Variants in CKMT2 observed in about 807,000 individuals in gnomAD.
The protein encoded by CKMT2 is creatine kinase S-type, mitochondrial.
In CKMT2, 43 loss-of-function variants were observed where a neutral mutation model predicts 48.9. That is an observed-to-expected ratio of 0.88 (90% CI 0.69 to 1.13). The LOEUF is 1.13. Among genes scored for constraint, CKMT2 ranks in the 50% most tolerant of loss-of-function variants. The pLI is 0.00. For synonymous variants in CKMT2, 206 were observed against 213.0 expected, an observed-to-expected ratio of 0.97 and a Z score of 0.29; for missense variants, 472 against 555.4, an observed-to-expected ratio of 0.85 and a Z score of 1.51.
At chr5:81,242,532 T>A in intron 1 of CKMT2, 1 of 470,012 alleles carries the variant, frequency 2.1e-6, no homozygotes, top group Admixed American at 2.2e-5. Flanking sequence ...ACAAAGGGCC[T>A]TGACCAACCT....
rs912039191 is a variant in CKMT2 at position 81,244,114 on chromosome 5, C to T, written c.-20-6999C>T. 76 of 985,364 alleles carry T rather than the reference C, an allele frequency of 7.7e-5. No homozygotes were observed. The African/African-American group carries it at 1.0e-3, about 14-fold the overall frequency. The allele number at this position is 985,364 out of a possible 1,614,324, so 61.0% of individuals were successfully genotyped here. ...GGGAGGAACCAGGGGAGATGTCAAC[C>T]GTCTGCCGGTGACTGGGAAGTTTTC... On this transcript the variant is annotated intron_variant, in intron 1 of 9. Transcript: ENST00000254035.
intron 1 of CKMT2, among the ~76,000 whole-genome samples, chr5:81,234,423 C>G (rs567238133): frequency 6.6e-6 from 1 of 152,250 alleles, no homozygotes; most frequent in South Asian, 2.1e-4. Context: ...GTTCTGAACT[C>G]GTGTCCTTGG....
chr5:81,243,526 A>G (rs561554267), intron 1 of CKMT2, among the ~76,000 whole-genome samples: 1 of 152,334 alleles, frequency 6.6e-6, no homozygotes, highest in East Asian at 1.9e-4. Flanking sequence ...GAATAGAGAT[A>G]CAAATGTAGG....
intron 1 of CKMT2, chr5:81,243,970 G>A (rs1335929197): frequency 1.1e-6 from 1 of 949,534 alleles, no homozygotes; most frequent in East Asian, 1.2e-4. Context: ...TGGGATTACA[G>A]GCATAAGCCA....
intron 9 of CKMT2, among the ~76,000 whole-genome samples, chr5:81,265,051 T>C (rs1757343000): frequency 1.3e-5 from 2 of 152,164 alleles, no homozygotes; most frequent in African/African-American, 2.4e-5. Context: ...TGTTTGACCA[T>C]CTCTCTACAT....
intron 1 of CKMT2, among the ~76,000 whole-genome samples, chr5:81,247,540 C>A (rs1756653354): frequency 6.6e-6 from 1 of 152,118 alleles, no homozygotes; most frequent in South Asian, 2.1e-4. Flanking sequence ...GACTGCGCAG[C>A]GTTTTAAAGA....
At chr5:81,253,330 T>G (rs909863443) in intron 3 of CKMT2, among the ~76,000 whole-genome samples, 4 of 152,178 alleles carry the variant, frequency 2.6e-5, no homozygotes, top group Middle Eastern at 3.2e-3. Flanking sequence ...ATTCTATTAT[T>G]ATTACTGATT....
intron 9 of CKMT2, 110 bp downstream of exon 9, chr5:81,263,726 CCCATTGAGT>C: frequency 1.1e-6 from 1 of 893,116 alleles, no homozygotes; most frequent in East Asian, 2.8e-5. Context: ...CTCCTCTTCG[CCCATTGAGT>C]CCTGAGTTAT....
chr5:81,258,421 A>G (rs1371940982), intron 7 of CKMT2, among the ~76,000 whole-genome samples: 2 of 152,196 alleles, frequency 1.3e-5, no homozygotes, highest in African/African-American at 4.8e-5. Context: ...TACAGATGAC[A>G]GAGAATGTAG....
chr5:81,259,957 G>A (rs192703809), intron 8 of CKMT2, among the ~76,000 whole-genome samples: 21 of 152,056 alleles, frequency 1.4e-4, no homozygotes, highest in East Asian at 1.4e-3. Context: ...TTGTAAAATC[G>A]ACCCCACAAT....
intron 4 of CKMT2, 111 bp from the exon 5 acceptor site, chr5:81,254,882 A>T (rs1756942858): frequency 2.3e-6 from 2 of 880,542 alleles, no homozygotes; most frequent in Non-Finnish European, 3.7e-6. Context: ...AGTCGTGCAC[A>T]GTGCCTGAGG....
chr5:81,266,033 TCCATCTAAGTGG>T, intron 9 of CKMT2, 94 bp from the exon 10 acceptor site: 1 of 926,268 alleles, frequency 1.1e-6, no homozygotes, highest in Non-Finnish European at 1.7e-6. Flanking sequence ...TGTTGTGAAG[TCCATCTAAGTGG>T]CAAGTTCTCA....
chr5:81,237,348 A>T (rs1389051455), intron 1 of CKMT2, among the ~76,000 whole-genome samples: 4 of 152,054 alleles, frequency 2.6e-5, no homozygotes, highest in Non-Finnish European at 4.4e-5. Flanking sequence ...CGTCTTCACA[A>T]CACCTCACAG....
At position 81,255,231 on chromosome 5, in the gene CKMT2, G is replaced by A. The variant is rs1389091297; in HGVS notation, c.669+17G>A. On this transcript the variant is annotated intron_variant, in intron 5 of 9. Coordinates refer to ENST00000254035, the MANE Select transcript of CKMT2 (RefSeq NM_001099735.2). ...CTCATCGATGTGAGTAGCAGATGGG[G>A]CTCCCTGGGGAAGGACTGGACCAAG... is the stretch of plus-strand genomic sequence containing the variant. The A allele has an allele frequency of 6.2e-7, 1 of 1,608,980 alleles. No individual in the cohort carries two copies. The highest frequency in any genetic ancestry group is 8.5e-7 in the Non-Finnish European group (1 of 1,175,976).
At chr5:81,241,708 G>A (rs1364624313) in intron 1 of CKMT2, among the ~76,000 whole-genome samples, 3 of 152,254 alleles carry the variant, frequency 2.0e-5, no homozygotes, top group African/African-American at 4.8e-5. Context: ...GAACATGTAT[G>A]TAATGAATGG....
chr5:81,253,835 G>A (rs948966686), intron 3 of CKMT2, among the ~76,000 whole-genome samples: 4 of 152,164 alleles, frequency 2.6e-5, no homozygotes, highest in African/African-American at 9.7e-5. Context: ...TTTTAGAATA[G>A]ATTTTGCACG....
intron 2 of CKMT2, chr5:81,252,321 T>C (rs1008372364): frequency 3.7e-5 from 9 of 244,750 alleles, no homozygotes; most frequent in African/African-American, 6.8e-5. Context: ...CCCATGTACC[T>C]TGGGAATTCC....
chr5:81,266,363 C>T lies in CKMT2; in HGVS notation c.*105C>T. The T allele has an allele frequency of 9.2e-7, 1 of 1,084,870 alleles. No individual in the cohort carries two copies. Among genetic ancestry groups the T allele is most frequent in the Non-Finnish European group, 1.3e-6 (1 of 751,702 alleles). 67.2% of individuals were successfully genotyped at this position (1,084,870 alleles called of 1,614,324 possible). ...CTTGGAAAAATATAAAATTGTAGATCCTGCCTATCTTTACAATAAAACTCT... is the reference window on the plus strand; with the variant it reads ...CTTGGAAAAATATAAAATTGTAGATTCTGCCTATCTTTACAATAAAACTCT... On this transcript the variant is annotated 3_prime_UTR_variant, in exon 10 of 10. Transcript: ENST00000254035.
intron 2 of CKMT2, among the ~76,000 whole-genome samples, chr5:81,251,654 C>T (rs1756820286): frequency 6.6e-6 from 1 of 152,128 alleles, no homozygotes; most frequent in East Asian, 1.9e-4. Flanking sequence ...TATGCTTTCC[C>T]CTGCTGGAAA....
Sources: gnomAD v4.1 joint callset for allele counts (sites outside exome capture counted in the v4.1 genomes callset) on GRCh38, gnomAD v4.1.1 for gene constraint, MANE v1.5 for transcripts, NCBI Gene and HGNC (gene_info 2026-07-23, HGNC 2026-07-21) for gene names.